PDE11A: variants seen among roughly 807,000 people sequenced by gnomAD.
PDE11A encodes the protein dual 3',5'-cyclic-AMP and -GMP phosphodiesterase 11A.
A neutral mutation model predicts 100.5 loss-of-function variants in PDE11A; 100 were observed. The ratio of observed to expected loss-of-function variants is 1.00; its 90% CI spans 0.85 to 1.18. PDE11A has a LOEUF of 1.18. Ranked by LOEUF, PDE11A falls within the 50% of genes most tolerant of loss-of-function variation. The probability of loss-of-function intolerance (pLI) is 0.00; values close to 1 mark genes in which losing one functional copy is unlikely to be tolerated. For synonymous variants in PDE11A, 381 were observed against 420.8 expected, an observed-to-expected ratio of 0.91 and a Z score of 1.16; for missense variants, 1,141 against 1,152.6, an observed-to-expected ratio of 0.99 and a Z score of 0.15.
chr2:177,898,612 A>T (rs1188523620), intron 3 of PDE11A, among the ~76,000 whole-genome samples: 1 of 152,200 alleles, frequency 6.6e-6, no homozygotes, highest in Non-Finnish European at 1.5e-5. Context: ...AAAATTACTA[A>T]TGAGCACCAG....
intron 19 of PDE11A, among the ~76,000 whole-genome samples, chr2:177,657,628 G>A (rs1317007064): frequency 2.0e-5 from 3 of 151,880 alleles, no homozygotes; most frequent in Non-Finnish European, 4.4e-5. Flanking sequence ...GAGGGGGAGT[G>A]GGGAGAGGGG....
chr2:177,922,722 C>T, intron 2 of PDE11A: 2 of 985,524 alleles, frequency 2.0e-6, no homozygotes, highest in Non-Finnish European at 2.4e-6. Context: ...CTGGCTGTTC[C>T]ATGGCTTCCT....
At chr2:178,023,935 T>C (rs567449767) in intron 1 of PDE11A, among the ~76,000 whole-genome samples, 2 of 152,254 alleles carry the variant, frequency 1.3e-5, no homozygotes, top group African/African-American at 4.8e-5. Context: ...TACATAGGAA[T>C]AGAACAGAGC....
At chr2:177,924,732 T>A (rs1489760099) in intron 2 of PDE11A, among the ~76,000 whole-genome samples, 1 of 151,996 alleles carries the variant, frequency 6.6e-6, no homozygotes, top group Non-Finnish European at 1.5e-5. Context: ...AGCTTTCTTT[T>A]TTTTTTTTTA....
chr2:178,098,529 AGAG>A (rs1204524996), intron 2 of PDE11A, among the ~76,000 whole-genome samples: 1 of 152,184 alleles, frequency 6.6e-6, no homozygotes, highest in Non-Finnish European at 1.5e-5. Flanking sequence ...CATCCTTCAT[AGAG>A]GAGGATAAGC....
chr2:177,688,386 A>C (rs923692582), intron 15 of PDE11A: 7 of 152,268 alleles, frequency 4.6e-5, no homozygotes, highest in Non-Finnish European at 1.0e-4. Context: ...GTTTGCCTAT[A>C]CAGCTGTTCT....
Position 177,677,306 on chromosome 2 carries a change from T to TA in PDE11A, c.2424-1789dup, listed in dbSNP as rs566357081. Among the ~76,000 whole-genome samples, 199 of 152,230 alleles carry TA rather than the reference T, an allele frequency of 1.3e-3. 1 individual carries two copies. Among genetic ancestry groups the TA allele is most frequent in the African/African-American group, 4.6e-3 (192 of 41,538 alleles). On this transcript the variant is annotated intron_variant, in intron 16 of 19. Transcript: ENST00000286063. Reference sequence around the variant, plus strand: ...TACTATTATTATCTCTTATTAAAGTTAAAAAAATAAGGCTCAGAAACGTTA... The same window carrying TA: ...TACTATTATTATCTCTTATTAAAGTTAAAAAAAATAAGGCTCAGAAACGTTA...
Position 177,625,273 on chromosome 2 carries a change from G to A in PDE11A, c.*4134C>T, listed in dbSNP as rs1282474376. On this transcript the variant is annotated 3_prime_UTR_variant, in exon 20 of 20. Transcript: ENST00000286063. The stretch of plus-strand genomic sequence containing the variant: ...GAAGAATAAAAAAGAAAATTATCTG[G>A]AAAATTTCTTTAAAGCTAAACACGT... 6.6e-6 allele frequency: 1 copy of A among 152,608 alleles called. No individual in the cohort carries two copies. The highest frequency in any genetic ancestry group is 2.4e-5 in the African/African-American group (1 of 41,456). The allele number at this position is 152,608 out of a possible 1,614,324, so 9.5% of individuals were successfully genotyped here.
At chr2:177,814,212 T>C (rs1469232043) in intron 9 of PDE11A, among the ~76,000 whole-genome samples, 1 of 152,094 alleles carries the variant, frequency 6.6e-6, no homozygotes, top group Non-Finnish European at 1.5e-5. Flanking sequence ...ATACTTTCCA[T>C]AGAAATATTT....
chr2:177,869,608 C>T (rs558381401), intron 5 of PDE11A, among the ~76,000 whole-genome samples: 198 of 152,278 alleles, frequency 1.3e-3, no homozygotes, highest in Admixed American at 2.6e-3. Flanking sequence ...ATTTTAACAT[C>T]AATTGATTAG....
At chr2:177,736,048 G>A (rs1463684030) in intron 10 of PDE11A, among the ~76,000 whole-genome samples, 1 of 152,148 alleles carries the variant, frequency 6.6e-6, no homozygotes, top group Non-Finnish European at 1.5e-5. Context: ...CCTCTCCTGG[G>A]AATATTTGAA....
chr2:177,945,145 G>A (rs2085393608), intron 2 of PDE11A, among the ~76,000 whole-genome samples: 1 of 151,328 alleles, frequency 6.6e-6, no homozygotes, highest in Admixed American at 6.6e-5. Context: ...AGGCTGGAGT[G>A]CAGTGGCGTG....
chr2:177,762,383 T>C (rs973307927), intron 10 of PDE11A, among the ~76,000 whole-genome samples: 1 of 152,112 alleles, frequency 6.6e-6, no homozygotes, highest in Non-Finnish European at 1.5e-5. Flanking sequence ...TATCAATGGA[T>C]CTAATTAGAG....
At chr2:177,859,088 G>A (rs543913640) in intron 5 of PDE11A, among the ~76,000 whole-genome samples, 3 of 152,140 alleles carry the variant, frequency 2.0e-5, no homozygotes, top group Admixed American at 2.0e-4. Context: ...ACACACCAGG[G>A]CCTGTCGTGG....
At chr2:177,884,763 G>A (rs986079383) in intron 4 of PDE11A, among the ~76,000 whole-genome samples, 1 of 152,194 alleles carries the variant, frequency 6.6e-6, no homozygotes, top group Admixed American at 6.5e-5. Flanking sequence ...CAAGAAATGA[G>A]TCAGGAGAAA....
At chr2:177,730,241 G>T (rs918731806) in intron 10 of PDE11A, among the ~76,000 whole-genome samples, 5 of 151,928 alleles carry the variant, frequency 3.3e-5, no homozygotes, top group African/African-American at 1.2e-4. Context: ...CACACCCCAC[G>T]ACAGATCCCG....
intron 14 of PDE11A, among the ~76,000 whole-genome samples, chr2:177,699,233 T>C (rs2081161708): frequency 6.6e-6 from 1 of 152,206 alleles, no homozygotes; most frequent in African/African-American, 2.4e-5. Context: ...TATACATCCA[T>C]ACATCATATT....
intron 6 of PDE11A, among the ~76,000 whole-genome samples, chr2:177,823,978 G>C (rs2083186589): frequency 6.6e-6 from 1 of 152,184 alleles, no homozygotes. Flanking sequence ...GGAACATGCA[G>C]TAAGAAAGAC....
chr2:177,979,960 C>T (rs1321615697), intron 2 of PDE11A, among the ~76,000 whole-genome samples: 1 of 150,386 alleles, frequency 6.6e-6, no homozygotes, highest in Non-Finnish European at 1.5e-5. Context: ...ATAGTAAGAA[C>T]ATTTGTTTCA....
Sources: gnomAD v4.1 joint callset for allele counts (sites outside exome capture counted in the v4.1 genomes callset) on GRCh38, gnomAD v4.1.1 for gene constraint, MANE v1.5 for transcripts, NCBI Gene and HGNC (gene_info 2026-07-23, HGNC 2026-07-21) for gene names.